The following USP19 variants were observed in gnomAD, a reference collection of about 807,000 sequenced individuals.
USP19 encodes the protein ubiquitin specific peptidase 19, also known as ubiquitin carboxyl-terminal hydrolase 19.
Under a neutral mutation model 144.8 loss-of-function variants are expected in USP19, and 40 were observed. The observed-to-expected ratio is 0.28, with a 90% CI of 0.21 to 0.36. The LOEUF is 0.36. Ranked by LOEUF, USP19 falls within the 10% of genes least tolerant of loss-of-function variation. The pLI, the probability that USP19 is intolerant of heterozygous loss-of-function variation, is 1.00. For synonymous variants in USP19, 701 were observed against 709.3 expected, an observed-to-expected ratio of 0.99 and a Z score of 0.19; for missense variants, 1,518 against 1,822.5, an observed-to-expected ratio of 0.83 and a Z score of 3.04.
Position 49,117,327 on chromosome 3 carries a change from C to T in USP19, c.641G>A (p.Gly214Glu), listed in dbSNP as rs558769123. ...KPLGTQELVP[G>E]LRCQENGQEL... ...CTGCCCATTCTCCTGGCACCGCAGC[C>T]CCGGCACCAGCTCCTGGGTCCCTAG... The change falls in exon 6 of 27, where the codon GGG becomes GAG. Residue 214 changes from glycine (G) to glutamate (E), a missense_variant. By Grantham distance (98) the Gly-to-Glu change is moderately conservative. Transcript: ENST00000417901. This position sits in a 1 kb window ranked among gnomAD's most constrained non-coding sequence, Gnocchi z 4.4. The T allele has an allele frequency of 5.1e-5, 81 of 1,587,474 alleles. No homozygotes were observed. The highest frequency in any genetic ancestry group is 6.2e-5 in the Non-Finnish European group (72 of 1,163,926).
In USP19 at chr3:49,119,209, G is replaced by A; in HGVS notation, c.-64C>T. The A allele has an allele frequency of 3.2e-6, 5 of 1,544,760 alleles. No individual in the cohort carries two copies. Among genetic ancestry groups the A allele is most frequent in the Non-Finnish European group, 4.3e-6 (5 of 1,150,816 alleles). On this transcript the variant is annotated 5_prime_UTR_variant, in exon 2 of 27. Coordinates refer to ENST00000417901, the MANE Select transcript of USP19 (RefSeq NM_001199161.2). The stretch of plus-strand genomic sequence containing the variant: ...CGGCAACAGCGTCTGGGTCAGGGCT[G>A]CGGCGCTTTCTTCCTGGCCCAGCTA...
rs889955169 is a variant in USP19, at chr3:49,112,177, G to A, written c.2765+107C>T. 7 of 1,540,238 alleles carry A rather than the reference G, an allele frequency of 4.5e-6. No individual in the cohort carries two copies. The highest frequency in any genetic ancestry group is 6.1e-6 in the Non-Finnish European group (7 of 1,141,008). ...CTCCCCCAGAGCCTGGTAAAGTAGG[G>A]TGGCAAGTAGAAAGCTTAAGCATAT... On this transcript the variant is annotated intron_variant, in intron 19 of 26. Coordinates refer to ENST00000417901, the MANE Select transcript of USP19 (RefSeq NM_001199161.2). This position sits in a 1 kb window ranked among gnomAD's most constrained non-coding sequence, Gnocchi z 4.9.
In USP19 at chr3:49,111,942, G is replaced by A. The variant is rs1385785321; in HGVS notation, c.2872C>T (p.Arg958Cys). Residue 958 changes from arginine to cysteine, a missense_variant, in exon 20 of 27, where the codon CGC becomes TGC. Around this residue, in one of 5 missense-constraint regions of USP19, gnomAD observed 413 missense variants for 515.8 expected, o/e 0.80. Transcript: ENST00000417901. This position sits in a 1 kb window ranked among gnomAD's most constrained non-coding sequence, Gnocchi z 5.9. ...SVPASRLTYARLAQLLEGYAR... is the reference protein window; with the variant it reads ...SVPASRLTYACLAQLLEGYAR... Reference sequence around the variant, plus strand: ...TAGCCCTCTAGCAACTGAGCGAGGCGGGCATAAGTGAGGCGTGAGGCAGGT... The same window carrying A: ...TAGCCCTCTAGCAACTGAGCGAGGCAGGCATAAGTGAGGCGTGAGGCAGGT... 23 of 1,613,920 alleles carry A rather than the reference G, an allele frequency of 1.4e-5. No homozygotes were observed. The highest frequency in any genetic ancestry group is 5.0e-5 in the Admixed American group (3 of 60,006).
chr3:49,112,113 C>T lies in USP19; in HGVS notation c.2766-65G>A, dbSNP rs1431245226. 3 of 1,589,254 alleles carry T rather than the reference C, an allele frequency of 1.9e-6. No individual in the cohort carries two copies. Among genetic ancestry groups the T allele is most frequent in the East Asian group, 2.2e-5 (1 of 44,470 alleles). ...ATCTCCTATGACTCCATACTGGGGG[C>T]TAGTCATAGTCCCTGGGAACTGGGT... is the stretch of plus-strand genomic sequence containing the variant. On this transcript the variant is annotated intron_variant, in intron 19 of 26. Transcript: ENST00000417901. The surrounding 1 kb of genome is among the most constrained non-coding windows in gnomAD (Gnocchi z 4.9).
Position 49,112,406 on chromosome 3 carries a change from G to C in USP19, c.2647-4C>G. 2 of 1,613,978 alleles carry C rather than the reference G, an allele frequency of 1.2e-6. No individual in the cohort carries two copies. The highest frequency in any genetic ancestry group is 2.2e-5 in the South Asian group (2 of 91,082). ...GGACGCTGGGCACCTGGGGGCGCTAGGGTGGGTCGTCTGGCTCAGCAAGAC... is the reference window on the plus strand; with the variant it reads ...GGACGCTGGGCACCTGGGGGCGCTACGGTGGGTCGTCTGGCTCAGCAAGAC... On this transcript the variant is annotated splice_polypyrimidine_tract_variant and splice_region_variant and intron_variant, in intron 18 of 26. Coordinates refer to ENST00000417901, the MANE Select transcript of USP19 (RefSeq NM_001199161.2). This position sits in a 1 kb window ranked among gnomAD's most constrained non-coding sequence, Gnocchi z 4.9.
In USP19 at chr3:49,110,596, T is replaced by G; in HGVS notation, c.3707A>C (p.Asp1236Ala). ...CTGACCAATGCAGAACTTGCTCAGG[T>G]CCAGGTTCCTGCAGGTCAGGTCCAG... ...DLVEFPVRNL[D>A]LSKFCIGQKE... The change falls in exon 25 of 27, where the codon GAC becomes GCC. Residue 1236 changes from aspartate (D) to alanine (A), a missense_variant. Transcript: ENST00000417901. The surrounding 1 kb of genome is among the most constrained non-coding windows in gnomAD (Gnocchi z 6.1). The G allele has an allele frequency of 6.2e-7, 1 of 1,613,902 alleles. No individual in the cohort carries two copies.
At chr3:49,113,104 C>T (rs2043439144) in intron 17 of USP19, among the ~76,000 whole-genome samples, 3 of 152,134 alleles carry the variant, frequency 2.0e-5, no homozygotes, top group South Asian at 4.1e-4. Flanking sequence ...AGTCCTGCAG[C>T]TCAAGCTCCT....
rs1417118141 is a variant in USP19, at chr3:49,117,574, G to C, written c.473-4C>G. The C allele has an allele frequency of 1.3e-5, 21 of 1,613,998 alleles. No individual in the cohort carries two copies. The highest frequency in any genetic ancestry group is 1.8e-5 in the Non-Finnish European group (21 of 1,180,040). On this transcript the variant is annotated splice_polypyrimidine_tract_variant and splice_region_variant and intron_variant, in intron 4 of 26. Transcript: ENST00000417901. This position sits in a 1 kb window ranked among gnomAD's most constrained non-coding sequence, Gnocchi z 4.4. ...ACACCACCCCACTGCTGACCACCTG[G>C]GGACAGAGCAGGGTCCATGAGGTAG...
At chr3:49,118,170 T>G (rs1235629092) in intron 2 of USP19, 50 bp from the exon 3 acceptor site, 1 of 724,702 alleles carries the variant, frequency 1.4e-6, no homozygotes, top group Non-Finnish European at 2.2e-6. Flanking sequence ...GAGGCTGAGG[T>G]AGGAGGACTG....
chr3:49,118,941 T>A, intron 2 of USP19, 81 bp downstream of exon 2: 2 of 1,589,260 alleles, frequency 1.3e-6, no homozygotes, highest in Non-Finnish European at 1.7e-6. Flanking sequence ...AACAAGAAAG[T>A]CATCTCCCAA....
rs1300885200 is a variant in USP19 at position 49,110,272 on chromosome 3, C to T, written c.3950G>A (p.Arg1317Gln). Reference protein sequence around the residue: ...RYAYVLFYRRRNSPVERPPRA... With the variant: ...RYAYVLFYRRQNSPVERPPRA... ...GGGGGGCCTCTCCACAGGAGAGTTCCGCCGGCGGTAGAAGAGTACATAGGC... is the reference window on the plus strand; with the variant it reads ...GGGGGGCCTCTCCACAGGAGAGTTCTGCCGGCGGTAGAAGAGTACATAGGC... Residue 1317 changes from arginine to glutamine, a missense_variant, in exon 26 of 27, where the codon CGG (arginine) becomes CAG (glutamine). Arg to Gln is a conservative substitution (Grantham distance 43). Coordinates refer to ENST00000417901, the MANE Select transcript of USP19 (RefSeq NM_001199161.2). This position sits in a 1 kb window ranked among gnomAD's most constrained non-coding sequence, Gnocchi z 6.1. 4 of 1,606,006 alleles carry T rather than the reference C, an allele frequency of 2.5e-6. No individual in the cohort carries two copies. Among genetic ancestry groups the T allele is most frequent in the Non-Finnish European group, 3.4e-6 (4 of 1,174,814 alleles).
In USP19 at chr3:49,115,626, C is replaced by G; in HGVS notation, c.1706G>C (p.Cys569Ser). The G allele has an allele frequency of 5.6e-6, 9 of 1,608,890 alleles. No individual in the cohort carries two copies. Among genetic ancestry groups the G allele is most frequent in the Non-Finnish European group, 7.6e-6 (9 of 1,177,428 alleles). The stretch of plus-strand genomic sequence containing the variant: ...GCTGTGGGGCATGGGAGGCACCATG[C>G]ATGTAGGCTTGGGCTGCAGGAGCAA... ...ETHLASPKPT[C>S]MVPPMPHSPV... is the part of the protein sequence containing the mutation. The change falls in exon 12 of 27, where the codon TGC (cysteine) becomes TCC (serine). Residue 569 changes from cysteine (C) to serine (S), a missense_variant. Cys to Ser is a moderately radical substitution (Grantham distance 112, BLOSUM62 -1). Around this residue, in one of 5 missense-constraint regions of USP19, gnomAD observed 158 missense variants for 277.3 expected, o/e 0.57. Coordinates refer to ENST00000417901, the MANE Select transcript of USP19 (RefSeq NM_001199161.2). This position sits in a 1 kb window ranked among gnomAD's most constrained non-coding sequence, Gnocchi z 6.6.
Position 49,117,025 on chromosome 3 carries a change from T to G in USP19, c.909+34A>C, listed in dbSNP as rs1194669626. ...CTCCAGTGCACACCCTTTCCCCCCA[T>G]CTCCTAACACCCAAACAGGTGCCCA... On this transcript the variant is annotated intron_variant, in intron 6 of 26. Coordinates refer to ENST00000417901, the MANE Select transcript of USP19 (RefSeq NM_001199161.2). This position sits in a 1 kb window ranked among gnomAD's most constrained non-coding sequence, Gnocchi z 4.4. The G allele has an allele frequency of 6.5e-7, 1 of 1,530,924 alleles. No homozygotes were observed. The highest frequency in any genetic ancestry group is 2.4e-5 in the East Asian group (1 of 41,558). 94.8% of individuals were successfully genotyped at this position (1,530,924 alleles called of 1,614,324 possible).
Position 49,116,328 on chromosome 3 carries a change from T to C in USP19, c.1307A>G (p.His436Arg). The C allele has an allele frequency of 6.2e-7, 1 of 1,613,936 alleles. No individual in the cohort carries two copies. The highest frequency in any genetic ancestry group is 2.2e-5 in the East Asian group (1 of 44,864). Residue 436 changes from histidine to arginine, a missense_variant, in exon 9 of 27, where the codon CAC becomes CGC. Around this residue, in one of 5 missense-constraint regions of USP19, gnomAD observed 707 missense variants for 728.9 expected, o/e 0.97. Coordinates refer to ENST00000417901, the MANE Select transcript of USP19 (RefSeq NM_001199161.2). This position sits in a 1 kb window ranked among gnomAD's most constrained non-coding sequence, Gnocchi z 5.0. ...QTRDGNFLRLHPGCGPHTTFR... is the reference protein window; with the variant it reads ...QTRDGNFLRLRPGCGPHTTFR... The stretch of plus-strand genomic sequence containing the variant: ...GGTGGTGTGGGGCCCACAGCCCGGG[T>C]GCAGCCTCAGGAAGTTTCCATCCCT...
At position 49,110,659 on chromosome 3, in the gene USP19, G is replaced by A. The variant is rs776112249; in HGVS notation, c.3698+52C>T. 12 of 1,611,284 alleles carry A rather than the reference G, an allele frequency of 7.4e-6. No homozygotes were observed. Among genetic ancestry groups the A allele is most frequent in the Non-Finnish European group, 9.3e-6 (11 of 1,178,280 alleles). On this transcript the variant is annotated intron_variant, in intron 24 of 26. Transcript: ENST00000417901. The surrounding 1 kb of genome is among the most constrained non-coding windows in gnomAD (Gnocchi z 6.1). ...GAGACAGGCAACAGGCGCTCAGGAT[G>A]CCCATCCTGGTCCTCACACCCCACC...
Position 49,115,730 on chromosome 3 carries a change from C to T in USP19, c.1686G>A (p.Leu562=). The T allele has an allele frequency of 6.2e-7, 1 of 1,609,922 alleles. No homozygotes were observed. Among genetic ancestry groups the T allele is most frequent in the Non-Finnish European group, 8.5e-7 (1 of 1,176,850 alleles). Residue 562 remains leucine, a synonymous_variant, in exon 11 of 27, where the codon CTG becomes CTA. Coordinates refer to ENST00000417901, the MANE Select transcript of USP19 (RefSeq NM_001199161.2). The surrounding 1 kb of genome is among the most constrained non-coding windows in gnomAD (Gnocchi z 6.6). ...CCCACCCCAGAATTCTCACCGAGGC[C>T]AGGTGTGTCTCTGGCTTTGGGGTTA... ...EHVTPKPETH[L]ASPKPTCMVP...
chr3:49,115,990 A>C lies in USP19; in HGVS notation c.1472-46T>G, dbSNP rs1195365198. 5 of 1,567,640 alleles carry C rather than the reference A, an allele frequency of 3.2e-6. No individual in the cohort carries two copies. Among genetic ancestry groups the C allele is most frequent in the Middle Eastern group, 1.7e-4 (1 of 5,872 alleles). ...GGGCTGGTGGTTAGCAGCATGTGAC[A>C]GGGGTTTGGGTCCTGGTCACGTGGA... On this transcript the variant is annotated intron_variant, in intron 10 of 26. Coordinates refer to ENST00000417901, the MANE Select transcript of USP19 (RefSeq NM_001199161.2). The surrounding 1 kb of genome is among the most constrained non-coding windows in gnomAD (Gnocchi z 6.6).
intron 26 of USP19, chr3:49,109,219 G>A: frequency 6.9e-7 from 1 of 1,453,608 alleles, no homozygotes; most frequent in Middle Eastern, 1.8e-4. Context: ...CAGCACCCCG[G>A]GGGTGGGGAG....
chr3:49,109,979 G>A, intron 26 of USP19: 1 of 521,356 alleles, frequency 1.9e-6, no homozygotes, highest in Non-Finnish European at 3.1e-6. Context: ...GTGGCAGCAT[G>A]TTAGTGTACT....
Sources: gnomAD v4.1 joint callset for allele counts (sites outside exome capture counted in the v4.1 genomes callset) on GRCh38, gnomAD v4.1.1 for gene constraint, gnomAD v4.1.1 regional missense constraint, Gnocchi (gnomAD v3.1) non-coding constraint, MANE v1.5 for transcripts, NCBI Gene and HGNC (gene_info 2026-07-23, HGNC 2026-07-21) for gene names.